MIGA1: variants seen among roughly 807,000 people sequenced by gnomAD.
The protein encoded by MIGA1 is family with sequence similarity 73, member A.
A neutral mutation model predicts 82.0 loss-of-function variants in MIGA1; 58 were observed. The observed-to-expected ratio is 0.71, with a 90% CI of 0.57 to 0.88. MIGA1 has a LOEUF of 0.88. MIGA1 is among the 40% of genes least tolerant of loss of function. MIGA1 has a pLI of 0.00. For missense variants in MIGA1, 751 were observed against 749.1 expected (o/e 1.00, Z -0.03); for synonymous variants, 249 against 253.6 (o/e 0.98, Z 0.17).
chr1:77,852,130 G>A (rs372322373), intron 8 of MIGA1, among the ~76,000 whole-genome samples: 8 of 151,842 alleles, frequency 5.3e-5, no homozygotes, highest in Non-Finnish European at 1.0e-4. Context: ...AGTGATCTGC[G>A]CACGTCAACC....
At position 77,815,093 on chromosome 1, in the gene MIGA1, T is replaced by C. The variant is rs760783089; in HGVS notation, c.772-15T>C. 1.3e-6 allele frequency: 2 copies of C among 1,489,816 alleles called. No individual in the cohort carries two copies. Among genetic ancestry groups the C allele is most frequent in the Admixed American group, 2.2e-5 (1 of 45,924 alleles). The allele number at this position is 1,489,816 out of a possible 1,614,324, so 92.3% of individuals were successfully genotyped here. ...AGAATTTAATTTGTTCTGTGTACTT[T>C]TTCTCTCCTTGTAGGATATTATTAG... On this transcript the variant is annotated splice_polypyrimidine_tract_variant and intron_variant, in intron 6 of 15. Transcript: ENST00000370791.
At chr1:77,804,149 T>G (rs771367963) in intron 4 of MIGA1, among the ~76,000 whole-genome samples, 39 of 152,330 alleles carry the variant, frequency 2.6e-4, no homozygotes, top group Middle Eastern at 3.4e-3. Context: ...GACTTTGTGC[T>G]GGGTCACAGT....
At chr1:77,789,457 G>A (rs557341854) in intron 2 of MIGA1, among the ~76,000 whole-genome samples, 5 of 152,022 alleles carry the variant, frequency 3.3e-5, no homozygotes, top group Admixed American at 6.6e-5. Context: ...CGATCCTCCC[G>A]TATTGGCCTC....
intron 4 of MIGA1, among the ~76,000 whole-genome samples, chr1:77,803,863 T>C (rs1317047978): frequency 6.6e-6 from 1 of 152,114 alleles, no homozygotes; most frequent in Non-Finnish European, 1.5e-5. Context: ...ATAGGGTGAC[T>C]GCAGTCAACA....
At chr1:77,817,328 G>A (rs942194697) in intron 7 of MIGA1, among the ~76,000 whole-genome samples, 1 of 152,046 alleles carries the variant, frequency 6.6e-6, no homozygotes, top group Non-Finnish European at 1.5e-5. Flanking sequence ...TTAGTTTTGG[G>A]GTCTTCAAGT....
At chr1:77,822,484 G>C (rs916595660) in intron 7 of MIGA1, among the ~76,000 whole-genome samples, 11 of 152,162 alleles carry the variant, frequency 7.2e-5, no homozygotes, top group African/African-American at 2.7e-4. Context: ...ATAACAAAAT[G>C]TTAACTGGGA....
chr1:77,832,805 CATA>C (rs1249010729), intron 7 of MIGA1, among the ~76,000 whole-genome samples: 2 of 152,200 alleles, frequency 1.3e-5, no homozygotes, highest in Non-Finnish European at 1.5e-5. Context: ...TATAAGAAGT[CATA>C]ATCAAATTTA....
rs776001941 is a variant in MIGA1 at position 77,861,299 on chromosome 1, G to C, written c.1351G>C (p.Glu451Gln). 69 of 1,611,634 alleles carry C rather than the reference G, an allele frequency of 4.3e-5. No homozygotes were observed. The highest frequency in any genetic ancestry group is 5.8e-5 in the Non-Finnish European group (68 of 1,178,624). ...GCAGACCGATCACTGGGGTAGTACT[G>C]AAATGGAACTTGCTGCTAGAGGGGT... is the stretch of plus-strand genomic sequence containing the variant. Residue 451 changes from glutamate (E) to glutamine (Q), a missense_variant, in exon 12 of 16, where the codon GAA (glutamate) becomes CAA (glutamine). Physicochemically the swap from Glu to Gln is conservative, Grantham distance 29. Around this residue, in one of 3 missense-constraint regions of MIGA1, gnomAD observed 265 missense variants for 293.6 expected, o/e 0.90. Coordinates refer to ENST00000370791, the MANE Select transcript of MIGA1 (RefSeq NM_198549.4).
At chr1:77,865,999 G>A (rs996364489) in intron 13 of MIGA1, among the ~76,000 whole-genome samples, 8 of 152,062 alleles carry the variant, frequency 5.3e-5, no homozygotes, top group Admixed American at 3.3e-4. Context: ...TATAACCTCC[G>A]CCTCCCGGGT....
At chr1:77,811,537 G>A in intron 5 of MIGA1, 1 of 1,602,276 alleles carries the variant, frequency 6.2e-7, no homozygotes, top group South Asian at 1.1e-5. Flanking sequence ...TTCTTCTTGA[G>A]ACTGTGTGGA....
intron 7 of MIGA1, among the ~76,000 whole-genome samples, chr1:77,837,701 C>T (rs1169341023): frequency 1.3e-5 from 2 of 152,132 alleles, no homozygotes; most frequent in African/African-American, 2.4e-5. Flanking sequence ...CATGTCTTCT[C>T]CTTCTTGAAA....
Position 77,874,760 on chromosome 1 carries a change from G to C in MIGA1, c.1681-86G>C, listed in dbSNP as rs148836699. 4.4e-4 allele frequency: 401 copies of C among 906,444 alleles called. 1 individual carries two copies. The African/African-American group carries it at 6.0e-3, about 14-fold the overall frequency. The allele number at this position is 906,444 out of a possible 1,614,324, so 56.2% of individuals were successfully genotyped here. A position where few individuals can be genotyped will look rare whatever the true frequency, so the allele number is the denominator to read the frequency against. Reference sequence around the variant, plus strand: ...CTGGAAGTCAGGTCTTCTGAGTCCTGATTCAGTGCTCATTATAATATTAGA... The same window carrying C: ...CTGGAAGTCAGGTCTTCTGAGTCCTCATTCAGTGCTCATTATAATATTAGA... On this transcript the variant is annotated intron_variant, in intron 15 of 15. Coordinates refer to ENST00000370791, the MANE Select transcript of MIGA1 (RefSeq NM_198549.4).
At position 77,815,106 on chromosome 1, in the gene MIGA1, A is replaced by T; in HGVS notation, c.772-2A>T. On this transcript the variant is annotated splice_acceptor_variant, in intron 6 of 15. Coordinates refer to ENST00000370791, the MANE Select transcript of MIGA1 (RefSeq NM_198549.4). LOFTEE classifies it high-confidence loss of function. ...TTCTGTGTACTTTTTCTCTCCTTGT[A>T]GGATATTATTAGTACTGAATTTATC... is the stretch of plus-strand genomic sequence containing the variant. 1 of 1,549,840 alleles carries T rather than the reference A, an allele frequency of 6.5e-7. No individual in the cohort carries two copies. The highest frequency in any genetic ancestry group is 1.9e-5 in the Admixed American group (1 of 52,864).
At chr1:77,851,725 A>G (rs1332769212) in intron 8 of MIGA1, among the ~76,000 whole-genome samples, 2 of 152,282 alleles carry the variant, frequency 1.3e-5, no homozygotes, top group East Asian at 3.9e-4. Flanking sequence ...GCTTCTTTAA[A>G]CGATTACTTA....
chr1:77,793,210 T>C (rs1682501843), intron 2 of MIGA1, among the ~76,000 whole-genome samples: 4 of 151,954 alleles, frequency 2.6e-5, no homozygotes, highest in Admixed American at 2.6e-4. Flanking sequence ...CTCAAGCAAT[T>C]CTCTCACTTT....
intron 14 of MIGA1, among the ~76,000 whole-genome samples, chr1:77,870,195 G>T (rs866317659): frequency 1.8e-5 from 2 of 109,176 alleles, no homozygotes; most frequent in African/African-American, 3.2e-5. Context: ...CCTCCCGGAC[G>T]GGGCGGCTGG....
Position 77,847,298 on chromosome 1 carries a change from G to T in MIGA1, c.996+3891G>T, listed in dbSNP as rs114096534. 2.8e-3 allele frequency: 2,569 copies of T among 920,928 alleles called. 11 individuals carry two copies. Among genetic ancestry groups the T allele is most frequent in the Non-Finnish European group, 3.6e-3 (1,993 of 547,220 alleles). The allele number at this position is 920,928 out of a possible 1,614,324, so 57.0% of individuals were successfully genotyped here. On this transcript the variant is annotated intron_variant, in intron 8 of 15. Coordinates refer to ENST00000370791, the MANE Select transcript of MIGA1 (RefSeq NM_198549.4). ...AAACAGACCAAACTGGAATCCAGAAGGCCCTTGCAGAAAATGCTACTGTGT... is the reference window on the plus strand; with the variant it reads ...AAACAGACCAAACTGGAATCCAGAATGCCCTTGCAGAAAATGCTACTGTGT...
chr1:77,851,360 G>A (rs901295683), intron 8 of MIGA1, among the ~76,000 whole-genome samples: 7 of 151,920 alleles, frequency 4.6e-5, no homozygotes, highest in African/African-American at 1.7e-4. Flanking sequence ...ATTTCAGCTA[G>A]TAAAAAAAAG....
intron 7 of MIGA1, among the ~76,000 whole-genome samples, chr1:77,817,943 C>T (rs1319799993): frequency 1.4e-5 from 2 of 146,754 alleles, no homozygotes; most frequent in Non-Finnish European, 3.0e-5. Context: ...GGTAGGATTT[C>T]AAGATTGGAA....
Sources: gnomAD v4.1 joint callset for allele counts (sites outside exome capture counted in the v4.1 genomes callset) on GRCh38, gnomAD v4.1.1 for gene constraint, gnomAD v4.1.1 regional missense constraint, MANE v1.5 for transcripts, NCBI Gene and HGNC (gene_info 2026-07-23, HGNC 2026-07-21) for gene names.